AKT3: variants seen among roughly 807,000 people sequenced by gnomAD.
AKT3 encodes the protein RAC-gamma serine/threonine-protein kinase.
A neutral mutation model predicts 65.3 loss-of-function variants in AKT3; 15 were observed. The observed-to-expected ratio is 0.23, with a 90% CI of 0.15 to 0.35. AKT3 has a LOEUF of 0.35. AKT3 is among the 10% of genes least tolerant of loss of function. The probability of loss-of-function intolerance (pLI) is 1.00; values close to 1 mark genes in which losing one functional copy is unlikely to be tolerated. For missense variants in AKT3, 243 were observed against 576.5 expected (o/e 0.42, Z 5.92); for synonymous variants, 206 against 183.8 (o/e 1.12, Z -0.98).
chr1:243,830,859 T>C (rs564089705), intron 2 of AKT3, among the ~76,000 whole-genome samples: 12 of 152,360 alleles, frequency 7.9e-5, no homozygotes, highest in African/African-American at 2.2e-4. Context: ...TCTGGGACAA[T>C]CAGGGTACAA....
chr1:243,600,666 G>C (rs1336288798), intron 8 of AKT3, among the ~76,000 whole-genome samples: 1 of 151,990 alleles, frequency 6.6e-6, no homozygotes, highest in Non-Finnish European at 1.5e-5. Flanking sequence ...ACTTGAAATG[G>C]CTCATAGACC....
chr1:243,719,381 C>T (rs1488357768), intron 2 of AKT3, among the ~76,000 whole-genome samples: 2 of 152,184 alleles, frequency 1.3e-5, no homozygotes, highest in Admixed American at 6.5e-5. Context: ...TTCATCTCAT[C>T]GAGTTCCACA....
intron 12 of AKT3, among the ~76,000 whole-genome samples, 174 bp from the exon 13 acceptor site, chr1:243,512,600 C>T (rs2148364170): frequency 6.6e-6 from 1 of 152,202 alleles, no homozygotes; most frequent in Middle Eastern, 3.4e-3. Flanking sequence ...CTAAACCAAC[C>T]GGTGGGTAAT....
chr1:243,504,635 ATTAT>A lies in AKT3; in HGVS notation c.*610_*613del. 1 of 170,586 alleles carries A rather than the reference ATTAT, an allele frequency of 5.9e-6. No homozygotes were observed. The highest frequency in any genetic ancestry group is 1.2e-5 in the Non-Finnish European group (1 of 80,016). 10.6% of individuals were successfully genotyped at this position (170,586 alleles called of 1,614,324 possible). ...TCCACCAGGAATTTAAAAAAAAAAAATTATATATATATATATATATCCCAACAGT... is the reference window on the plus strand; with the variant it reads ...TCCACCAGGAATTTAAAAAAAAAAAAATATATATATATATATCCCAACAGT... On this transcript the variant is annotated 3_prime_UTR_variant, in exon 14 of 14. Coordinates refer to ENST00000673466, the MANE Select transcript of AKT3 (RefSeq NM_005465.7).
intron 8 of AKT3, among the ~76,000 whole-genome samples, chr1:243,605,050 G>A (rs922486751): frequency 1.4e-4 from 22 of 152,026 alleles, no homozygotes; most frequent in African/African-American, 5.1e-4. Context: ...TTAGAGACAG[G>A]GTCTCACTCT....
intron 2 of AKT3, among the ~76,000 whole-genome samples, chr1:243,809,751 C>T (rs769987364): frequency 6.6e-6 from 1 of 152,230 alleles, no homozygotes. Flanking sequence ...CACCACACTA[C>T]ACTTATTCCA....
At chr1:243,809,893 A>T (rs1693014295) in intron 2 of AKT3, among the ~76,000 whole-genome samples, 1 of 152,184 alleles carries the variant, frequency 6.6e-6, no homozygotes, top group South Asian at 2.1e-4. Flanking sequence ...TCAAAATCAC[A>T]CAACTACATG....
chr1:243,664,656 C>T, intron 4 of AKT3, 116 bp downstream of exon 4: 1 of 344,668 alleles, frequency 2.9e-6, no homozygotes, highest in Non-Finnish European at 4.9e-6. Flanking sequence ...AATTTAGAGA[C>T]TATAGCATTT....
chr1:243,598,739 A>C (rs560087283), intron 8 of AKT3, among the ~76,000 whole-genome samples: 1 of 152,322 alleles, frequency 6.6e-6, no homozygotes, highest in Admixed American at 6.5e-5. Flanking sequence ...CAAAGAGATA[A>C]CTAAATTTAT....
chr1:243,748,136 G>A (rs1337026392), intron 2 of AKT3, among the ~76,000 whole-genome samples: 5 of 152,076 alleles, frequency 3.3e-5, no homozygotes, highest in Admixed American at 1.3e-4. Flanking sequence ...ATGATTCAGT[G>A]GAAATCAACA....
intron 6 of AKT3, among the ~76,000 whole-genome samples, chr1:243,617,178 T>C (rs1344988636): frequency 2.7e-5 from 3 of 109,496 alleles, no homozygotes; most frequent in East Asian, 6.4e-4. Flanking sequence ...TCAACACATA[T>C]GCAACAAGTA....
At chr1:243,604,992 G>C (rs925836788) in intron 8 of AKT3, among the ~76,000 whole-genome samples, 2 of 152,078 alleles carry the variant, frequency 1.3e-5, no homozygotes, top group Non-Finnish European at 2.9e-5. Context: ...ACCCAGGACA[G>C]TTTTCTATCT....
intron 2 of AKT3, among the ~76,000 whole-genome samples, chr1:243,750,447 A>G (rs1416601575): frequency 2.0e-5 from 3 of 151,720 alleles, no homozygotes; most frequent in Non-Finnish European, 2.9e-5. Flanking sequence ...ACGCACGCAC[A>G]CACGGTATTT....
chr1:243,847,789 T>G (rs184483277), intron 1 of AKT3, among the ~76,000 whole-genome samples: 30 of 152,294 alleles, frequency 2.0e-4, no homozygotes, highest in Admixed American at 1.2e-3. Flanking sequence ...ACTCCAGTAT[T>G]TGTTAAATAT....
In AKT3 at chr1:243,554,634, G is replaced by A. The variant is rs528941375; in HGVS notation, c.949-1691C>T. ...CTCGCTCATGGCCAATTAGTACAAT[G>A]CACTGTTGGTGGGCCTTTATCTAAT... is the stretch of plus-strand genomic sequence containing the variant. On this transcript the variant is annotated intron_variant, in intron 10 of 13. Coordinates refer to ENST00000673466, the MANE Select transcript of AKT3 (RefSeq NM_005465.7). Among the ~76,000 whole-genome samples, 8 of 152,270 alleles carry A rather than the reference G, an allele frequency of 5.3e-5. No individual in the cohort carries two copies. In the South Asian group the frequency reaches 1.7e-3, roughly 32 times the overall value.
chr1:243,768,599 A>G (rs1467104046), intron 2 of AKT3, among the ~76,000 whole-genome samples: 2 of 152,164 alleles, frequency 1.3e-5, no homozygotes, highest in East Asian at 3.8e-4. Flanking sequence ...GCACTTTGGG[A>G]GGCAGAGGTG....
chr1:243,720,851 AT>A (rs1395757208), intron 2 of AKT3, among the ~76,000 whole-genome samples: 1 of 152,182 alleles, frequency 6.6e-6, no homozygotes, highest in Non-Finnish European at 1.5e-5. Context: ...GAAAATAAGC[AT>A]GTAAAGCATT....
chr1:243,644,948 A>C (rs1185217542), intron 5 of AKT3, among the ~76,000 whole-genome samples: 1 of 152,212 alleles, frequency 6.6e-6, no homozygotes, highest in Non-Finnish European at 1.5e-5. Context: ...ATCTACAATG[A>C]AGACAGAAAG....
intron 2 of AKT3, among the ~76,000 whole-genome samples, chr1:243,804,801 C>T (rs374387718): frequency 3.2e-4 from 48 of 151,102 alleles, no homozygotes; most frequent in African/African-American, 9.0e-4. Context: ...GAGCTGAGAT[C>T]GCACCACTGC....
Sources: gnomAD v4.1 joint callset for allele counts (sites outside exome capture counted in the v4.1 genomes callset) on GRCh38, gnomAD v4.1.1 for gene constraint, MANE v1.5 for transcripts, NCBI Gene and HGNC (gene_info 2026-07-23, HGNC 2026-07-21) for gene names.